Variants in CPD observed in about 807,000 individuals in gnomAD.
CPD encodes the protein metallocarboxypeptidase D.
A neutral mutation model predicts 138.3 loss-of-function variants in CPD; 69 were observed. The observed-to-expected ratio is 0.50, with a 90% confidence interval of 0.41 to 0.61. The LOEUF (loss-of-function observed/expected upper bound fraction) is 0.61. Among genes scored for constraint, CPD ranks in the 20% least tolerant of loss-of-function variants. CPD has a pLI of 0.00. For synonymous variants in CPD, 651 were observed against 642.1 expected (o/e 1.01, Z -0.21); for missense variants, 1,432 against 1,733.3 (o/e 0.83, Z 3.09).
At chr17:30,446,101 A>G in intron 12 of CPD, 81 bp downstream of exon 12, 2 of 985,796 alleles carry the variant, frequency 2.0e-6, no homozygotes, top group East Asian at 2.5e-5. Context: ...GTTGTAATTT[A>G]TATAGAAATA....
Position 30,379,576 on chromosome 17 carries a change from A to G in CPD, c.596A>G (p.Asp199Gly). The G allele has an allele frequency of 6.6e-7, 1 of 1,512,592 alleles. No homozygotes were observed. The highest frequency in any genetic ancestry group is 8.8e-7 in the Non-Finnish European group (1 of 1,142,054). 93.7% of individuals were successfully genotyped at this position (1,512,592 alleles called of 1,614,324 possible). Residue 199 changes from aspartate (D) to glycine (G), a missense_variant, in exon 1 of 21, where the codon GAC becomes GGC. By Grantham distance (94) the Asp-to-Gly change is moderately conservative (BLOSUM62 -1). Coordinates refer to ENST00000225719, the MANE Select transcript of CPD (RefSeq NM_001304.5). This position sits in a 1 kb window ranked among gnomAD's most constrained non-coding sequence, Gnocchi z 7.0. Reference protein sequence around the residue: ...RAREGDCGFGDGGPSGASGRD... With the variant: ...RAREGDCGFGGGGPSGASGRD... The stretch of plus-strand genomic sequence containing the variant: ...CGCGAGGGCGACTGTGGCTTCGGCG[A>G]CGGCGGCCCGTCCGGGGCCAGCGGC...
intron 8 of CPD, among the ~76,000 whole-genome samples, chr17:30,434,659 C>G (rs1440684424): frequency 6.6e-6 from 1 of 151,476 alleles, no homozygotes; most frequent in African/African-American, 2.4e-5. Context: ...AAAAAAGAGG[C>G]AAAGATAGAA....
At chr17:30,389,515 T>C (rs1490400422) in intron 2 of CPD, among the ~76,000 whole-genome samples, 2 of 152,224 alleles carry the variant, frequency 1.3e-5, no homozygotes, top group African/African-American at 4.8e-5. Context: ...TAATTTGAGA[T>C]GATGTTACTT....
At position 30,385,010 on chromosome 17, in the gene CPD, G is replaced by T; in HGVS notation, c.768G>T (p.Leu256=). ...AAAGGTTTGTGCTTTCTGGAAATCT[G>T]CATGGTGGCTCAGTGGTAGCAAGCT... ...RRNKFVLSGN[L]HGGSVVASYP... Residue 256 remains leucine, a synonymous_variant, in exon 2 of 21, where the codon CTG becomes CTT. Transcript: ENST00000225719. 6.2e-7 allele frequency: 1 copy of T among 1,613,720 alleles called. No homozygotes were observed. Among genetic ancestry groups the T allele is most frequent in the Non-Finnish European group, 8.5e-7 (1 of 1,179,776 alleles).
At chr17:30,393,242 G>A (rs1911406012) in intron 2 of CPD, among the ~76,000 whole-genome samples, 1 of 152,156 alleles carries the variant, frequency 6.6e-6, no homozygotes, top group African/African-American at 2.4e-5. Context: ...CAGTAGCAGT[G>A]TGCTTTAAAT....
chr17:30,394,209 G>C (rs1911438324), intron 2 of CPD, among the ~76,000 whole-genome samples: 1 of 143,088 alleles, frequency 7.0e-6, no homozygotes, highest in Admixed American at 7.4e-5. Context: ...GGGTTCATAG[G>C]ATCAAGTCTA....
At chr17:30,406,463 G>A (rs768333468) in intron 2 of CPD, among the ~76,000 whole-genome samples, 2 of 152,058 alleles carry the variant, frequency 1.3e-5, no homozygotes, top group African/African-American at 2.4e-5. Context: ...CTACCTGGGG[G>A]ATATATTTGT....
intron 1 of CPD, chr17:30,380,714 C>T: frequency 1.9e-6 from 2 of 1,045,056 alleles, no homozygotes; most frequent in Non-Finnish European, 2.8e-6. Context: ...GCTGCAATAA[C>T]ACGGACCATC....
In CPD at chr17:30,446,000, A is replaced by G. The variant is rs1809839909; in HGVS notation, c.2853A>G (p.Pro951=). The change falls in exon 12 of 21, where the codon CCA becomes CCG. Residue 951 remains proline (P), a synonymous_variant. Transcript: ENST00000225719. ...TGAGAGGACTTGTAATGAACTATCC[A>G]CATATTACAAATCTTACCAAGTAAG... ...EFLRGLVMNY[P]HITNLTNLGQ... The G allele has an allele frequency of 6.2e-7, 1 of 1,605,004 alleles. No individual in the cohort carries two copies. Among genetic ancestry groups the G allele is most frequent in the African/African-American group, 1.3e-5 (1 of 74,192 alleles).
chr17:30,430,525 A>G (rs1323357688), intron 7 of CPD, among the ~76,000 whole-genome samples: 1 of 152,236 alleles, frequency 6.6e-6, no homozygotes, highest in East Asian at 1.9e-4. Flanking sequence ...ATATATCAAT[A>G]TCACATTTGC....
rs532582160 is a variant in CPD at position 30,469,650 on chromosome 17, A to C, written c.*4836A>C. 41 of 152,286 alleles carry C rather than the reference A, an allele frequency of 2.7e-4. No individual in the cohort carries two copies. The highest frequency in any genetic ancestry group is 9.4e-4 in the African/African-American group (39 of 41,580). 9.4% of individuals were successfully genotyped at this position (152,286 alleles called of 1,614,324 possible). ...TTCTGAGACACAAATAAAAAAAGAA[A>C]TTTTTTATTATGTGGTTCAATAGAT... is the stretch of plus-strand genomic sequence containing the variant. On this transcript the variant is annotated 3_prime_UTR_variant, in exon 21 of 21. Transcript: ENST00000225719.
rs760977698 is a variant in CPD, at chr17:30,449,641, C to T, written c.2962C>T (p.Arg988Cys). The part of the protein sequence containing the change: ...NVSEPEEPKI[R>C]FVAGIHGNAP... ...ATCTGAGCCTGAAGAACCAAAGATTCGTTTTGTTGCTGGTATCCATGGAAA... is the reference window on the plus strand; with the variant it reads ...ATCTGAGCCTGAAGAACCAAAGATTTGTTTTGTTGCTGGTATCCATGGAAA... Residue 988 changes from arginine (R) to cysteine (C), a missense_variant, in exon 13 of 21, where the codon CGT becomes TGT. Physicochemically the swap from Arg to Cys is radical, Grantham distance 180. Around this residue, in one of 6 missense-constraint regions of CPD, gnomAD observed 366 missense variants for 518.8 expected, o/e 0.71. Transcript: ENST00000225719. The T allele has an allele frequency of 3.1e-6, 5 of 1,609,334 alleles. No individual in the cohort carries two copies. Among genetic ancestry groups the T allele is most frequent in the African/African-American group, 1.3e-5 (1 of 74,584 alleles).
intron 2 of CPD, among the ~76,000 whole-genome samples, chr17:30,417,054 A>G (rs2143400237): frequency 6.6e-6 from 1 of 151,714 alleles, no homozygotes; most frequent in South Asian, 2.1e-4. Flanking sequence ...GTGAGCCGAG[A>G]TCGCGCCACT....
At chr17:30,419,422 C>G (rs144556856) in intron 2 of CPD, among the ~76,000 whole-genome samples, 13 of 152,302 alleles carry the variant, frequency 8.5e-5, no homozygotes, top group Non-Finnish European at 1.5e-5. Context: ...TAACTGCAAC[C>G]TCTGCCTCCT....
intron 1 of CPD, chr17:30,380,778 C>A: frequency 1.7e-6 from 1 of 580,346 alleles, no homozygotes; most frequent in Non-Finnish European, 2.9e-6. Flanking sequence ...GGATTTTCAG[C>A]AAAAAGGAGA....
rs997503427 is a variant in CPD at position 30,465,013 on chromosome 17, A to G, written c.*199A>G. On this transcript the variant is annotated 3_prime_UTR_variant, in exon 21 of 21. Coordinates refer to ENST00000225719, the MANE Select transcript of CPD (RefSeq NM_001304.5). ...CTTAAAGTACTCTAAACCTTTAAAA[A>G]AAAATCTGATTTATGCAGCAGAGAT... The G allele has an allele frequency of 4.9e-5, 27 of 551,534 alleles. No individual in the cohort carries two copies. The highest frequency in any genetic ancestry group is 4.2e-4 in the African/African-American group (22 of 52,876). The allele number at this position is 551,534 out of a possible 1,614,324, so 34.2% of individuals were successfully genotyped here. A position where few individuals can be genotyped will look rare whatever the true frequency, so the allele number is the denominator to read the frequency against.
chr17:30,384,469 G>GA (rs1911129332), intron 1 of CPD, among the ~76,000 whole-genome samples: 7 of 152,116 alleles, frequency 4.6e-5, no homozygotes, highest in African/African-American at 1.7e-4. Context: ...ACAAGTCGTA[G>GA]ACTGAACTAT....
chr17:30,382,693 A>G (rs904536972), intron 1 of CPD, among the ~76,000 whole-genome samples: 15 of 152,250 alleles, frequency 9.9e-5, no homozygotes, highest in African/African-American at 3.6e-4. Flanking sequence ...GTTGGAAGAA[A>G]TGTTGAACAA....
At chr17:30,431,027 T>C (rs1419071134) in intron 7 of CPD, among the ~76,000 whole-genome samples, 1 of 152,222 alleles carries the variant, frequency 6.6e-6, no homozygotes, top group Non-Finnish European at 1.5e-5. Flanking sequence ...GTTAAGCTTT[T>C]TGAGGAATTG....
Sources: allele counts gnomAD v4.1 joint callset (sites outside exome capture counted in the v4.1 genomes callset), GRCh38; gene constraint gnomAD v4.1.1; regional missense constraint gnomAD v4.1.1; non-coding constraint Gnocchi (gnomAD v3.1); transcripts MANE v1.5; gene names NCBI Gene and HGNC (gene_info 2026-07-23, HGNC 2026-07-21).